The following IPO11 variants were observed in gnomAD, a reference collection of about 807,000 sequenced individuals.
IPO11 encodes the protein importin 11, also known as importin-11.
In IPO11, 66 loss-of-function variants were observed where a neutral mutation model predicts 143.2. The observed-to-expected ratio is 0.46, with a 90% CI of 0.38 to 0.57. The LOEUF (loss-of-function observed/expected upper bound fraction) is 0.57. Ranked by LOEUF, IPO11 falls within the 20% of genes least tolerant of loss-of-function variation. IPO11 has a pLI of 0.00. For missense variants in IPO11, 1,026 were observed against 1,141.0 expected (o/e 0.90, Z 1.45); for synonymous variants, 385 against 377.8 (o/e 1.02, Z -0.22).
At chr5:62,573,837 A>G (rs1201129889) in intron 27 of IPO11, among the ~76,000 whole-genome samples, 2 of 152,332 alleles carry the variant, frequency 1.3e-5, no homozygotes, top group East Asian at 1.9e-4. Flanking sequence ...AGTATTGTAC[A>G]TATACCTCTC....
At chr5:62,499,211 A>G (rs1009470542) in intron 16 of IPO11, among the ~76,000 whole-genome samples, 1 of 152,206 alleles carries the variant, frequency 6.6e-6, no homozygotes. Flanking sequence ...ACAATCTGAG[A>G]TAGTAGAGGC....
At chr5:62,449,708 T>C in intron 3 of IPO11, 1 of 365,686 alleles carries the variant, frequency 2.7e-6, no homozygotes, top group Non-Finnish European at 4.9e-6. Context: ...CTTATTCATT[T>C]ACCAGAACCA....
Position 62,494,035 on chromosome 5 carries a change from G to T in IPO11, c.1501G>T (p.Gly501Cys). 1 of 1,612,608 alleles carries T rather than the reference G, an allele frequency of 6.2e-7. No homozygotes were observed. Among genetic ancestry groups the T allele is most frequent in the Non-Finnish European group, 8.5e-7 (1 of 1,179,280 alleles). The change falls in exon 16 of 30, where the codon GGT becomes TGT. Residue 501 changes from glycine (G) to cysteine (C), a missense_variant. Gly to Cys is a radical substitution (Grantham distance 159, BLOSUM62 -3). Transcript: ENST00000325324. The part of the protein sequence containing the change: ...PLRRRVIWLI[G>C]QWISVKFKSD... ...GCGACGCAGGGTGATTTGGCTCATC[G>T]GTCAGTGGATTTCTGTGAAATTCAA... is the stretch of plus-strand genomic sequence containing the variant.
chr5:62,506,327 T>C lies in IPO11; in HGVS notation c.1752T>C (p.Leu584=). The C allele has an allele frequency of 1.2e-6, 2 of 1,609,494 alleles. No individual in the cohort carries two copies. Among genetic ancestry groups the C allele is most frequent in the East Asian group, 2.2e-5 (1 of 44,818 alleles). ...CDTKMHVLHV[L]SCVIERVNMQ... ...CAAAGATGCATGTTTTGCATGTCCT[T>C]TCTTGTGTGATCGAAAGAGTCAACA... Residue 584 remains leucine, a synonymous_variant, in exon 19 of 30, where the codon CTT becomes CTC. Coordinates refer to ENST00000325324, the MANE Select transcript of IPO11 (RefSeq NM_016338.5).
chr5:62,602,914 C>T (rs918946032), intron 29 of IPO11, among the ~76,000 whole-genome samples: 1 of 152,138 alleles, frequency 6.6e-6, no homozygotes, highest in Non-Finnish European at 1.5e-5. Context: ...TGAAAAGCGG[C>T]AGAAATTGGA....
chr5:62,499,730 T>A (rs1423402602), intron 16 of IPO11, among the ~76,000 whole-genome samples: 1 of 152,196 alleles, frequency 6.6e-6, no homozygotes, highest in Non-Finnish European at 1.5e-5. Flanking sequence ...GCACTTAGCT[T>A]AAAATACACA....
At chr5:62,595,522 A>T (rs1485734143) in intron 28 of IPO11, among the ~76,000 whole-genome samples, 1 of 152,148 alleles carries the variant, frequency 6.6e-6, no homozygotes, top group Non-Finnish European at 1.5e-5. Flanking sequence ...TCTGTGTGGA[A>T]AAAAATGGAA....
chr5:62,603,401 G>C (rs1745579946), intron 29 of IPO11, among the ~76,000 whole-genome samples: 1 of 152,202 alleles, frequency 6.6e-6, no homozygotes, highest in African/African-American at 2.4e-5. Flanking sequence ...AACAAATCTG[G>C]CGAGCTCGCT....
intron 29 of IPO11, among the ~76,000 whole-genome samples, chr5:62,625,426 T>C (rs548201068): frequency 1.3e-5 from 2 of 152,350 alleles, no homozygotes; most frequent in Non-Finnish European, 1.5e-5. Context: ...TAAAATCCGA[T>C]GTGTAGACTT....
At chr5:62,541,119 C>T (rs1009400103) in intron 24 of IPO11, among the ~76,000 whole-genome samples, 7 of 152,104 alleles carry the variant, frequency 4.6e-5, no homozygotes, top group African/African-American at 9.7e-5. Flanking sequence ...GGCCTGTAAT[C>T]CCAGCACTTT....
chr5:62,442,309 A>G (rs1024441512), intron 2 of IPO11, among the ~76,000 whole-genome samples: 4 of 152,166 alleles, frequency 2.6e-5, no homozygotes, highest in Middle Eastern at 3.4e-3. Context: ...ATTTTATTGA[A>G]TATGTATGGG....
intron 29 of IPO11, among the ~76,000 whole-genome samples, chr5:62,623,293 T>G (rs1746438857): frequency 6.6e-6 from 1 of 152,216 alleles, no homozygotes; most frequent in Admixed American, 6.5e-5. Flanking sequence ...CCTACCAAGT[T>G]TCATGGAAAG....
intron 1 of IPO11, among the ~76,000 whole-genome samples, chr5:62,433,822 G>A (rs1225975147): frequency 1.3e-5 from 2 of 151,964 alleles, no homozygotes. Context: ...TGCTCTAGGG[G>A]AAAATTGCTT....
chr5:62,483,016 A>G (rs1470201592), intron 9 of IPO11, 85 bp from the exon 10 acceptor site: 2 of 859,416 alleles, frequency 2.3e-6, no homozygotes, highest in East Asian at 5.4e-5. Context: ...AATGATTATT[A>G]GTAAAGTTAT....
At chr5:62,585,026 C>T (rs555449322) in intron 27 of IPO11, among the ~76,000 whole-genome samples, 8 of 152,074 alleles carry the variant, frequency 5.3e-5, no homozygotes, top group South Asian at 2.1e-4. Flanking sequence ...GGAGACCTTA[C>T]GTATATATGT....
chr5:62,456,587 G>T (rs190565973), intron 5 of IPO11, among the ~76,000 whole-genome samples: 793 of 152,308 alleles, frequency 5.2e-3, no homozygotes, highest in Non-Finnish European at 7.7e-3. Context: ...CTCCCAAGTA[G>T]CTGGGACCAC....
rs138539006 is a variant in IPO11, at chr5:62,452,662, CGTGTGT to C, written c.516+748_516+753del. 2.9e-3 allele frequency among the ~76,000 whole-genome samples: 405 copies of C among 140,202 alleles called. 1 individual carries two copies. The highest frequency in any genetic ancestry group is 4.7e-3 in the Admixed American group (67 of 14,262). 92.0% of individuals were successfully genotyped at this position (140,202 alleles called of 152,430 possible). On this transcript the variant is annotated intron_variant, in intron 5 of 29. Coordinates refer to ENST00000325324, the MANE Select transcript of IPO11 (RefSeq NM_016338.5). ...TGCACCTTTTTTTTGGTTTTGGGTTCGTGTGTGTGTGTGTGTGTGTGTGTATGTTTT... is the reference window on the plus strand; with the variant it reads ...TGCACCTTTTTTTTGGTTTTGGGTTCGTGTGTGTGTGTGTGTGTATGTTTT...
intron 29 of IPO11, among the ~76,000 whole-genome samples, chr5:62,607,256 A>G (rs1200523322): frequency 1.3e-5 from 2 of 152,204 alleles, no homozygotes; most frequent in African/African-American, 4.8e-5. Context: ...AATTTAGAAT[A>G]CATCATCAAA....
At chr5:62,554,716 TG>T (rs1203560693) in intron 26 of IPO11, among the ~76,000 whole-genome samples, 2 of 25,924 alleles carry the variant, frequency 7.7e-5, no homozygotes, top group African/African-American at 3.2e-4. Flanking sequence ...CACACTTTTT[TG>T]GGGGGGTGGG....
Sources: gnomAD v4.1 joint callset for allele counts (sites outside exome capture counted in the v4.1 genomes callset) on GRCh38, gnomAD v4.1.1 for gene constraint, MANE v1.5 for transcripts, NCBI Gene and HGNC (gene_info 2026-07-23, HGNC 2026-07-21) for gene names.